The following WWOX variants were observed in gnomAD, a reference collection of about 807,000 sequenced individuals.
WWOX encodes the protein WW domain containing oxidoreductase, also known as WW domain-containing oxidoreductase.
Under a neutral mutation model 46.2 loss-of-function variants are expected in WWOX, and 69 were observed. That is an observed-to-expected ratio of 1.49 (90% CI 1.23 to 1.82). WWOX has a LOEUF of 1.82. Among genes scored for constraint, WWOX ranks in the 40% most tolerant of loss-of-function variants. The pLI is 0.00. For synonymous variants in WWOX, 359 were observed against 202.6 expected, an observed-to-expected ratio of 1.77 and a Z score of -6.56; for missense variants, 919 against 542.6, an observed-to-expected ratio of 1.69 and a Z score of -6.89.
intron 8 of WWOX, among the ~76,000 whole-genome samples, chr16:78,712,597 A>T (rs1039228604): frequency 3.3e-5 from 5 of 152,122 alleles, no homozygotes; most frequent in Non-Finnish European, 5.9e-5. Flanking sequence ...ATTTAGGGGA[A>T]CCTGCTCTCA....
intron 6 of WWOX, among the ~76,000 whole-genome samples, chr16:78,406,310 ATAT>A (rs1567553302): frequency 0.031 from 1,020 of 33,420 alleles, 14 homozygotes; most frequent in African/African-American, 0.046. Context: ...ATAAATATAT[ATAT>A]ATATATATAT....
At chr16:79,159,362 C>T (rs2050441401) in intron 8 of WWOX, among the ~76,000 whole-genome samples, 2 of 152,152 alleles carry the variant, frequency 1.3e-5, no homozygotes, top group African/African-American at 4.8e-5. Context: ...AATGTTCCTG[C>T]AAGTACTGGC....
intron 8 of WWOX, among the ~76,000 whole-genome samples, chr16:78,548,696 TTTAA>T (rs2044106835): frequency 6.6e-6 from 1 of 152,240 alleles, no homozygotes; most frequent in Admixed American, 6.5e-5. Context: ...TTCCAATTTA[TTTAA>T]TTAATTTTGG....
chr16:78,912,149 C>G (rs943208414), intron 8 of WWOX, among the ~76,000 whole-genome samples: 1 of 151,916 alleles, frequency 6.6e-6, no homozygotes, highest in Admixed American at 6.6e-5. Flanking sequence ...GGAGATGATG[C>G]CATTACAGGT....
At chr16:78,488,907 T>G (rs1334920585) in intron 8 of WWOX, among the ~76,000 whole-genome samples, 1 of 150,750 alleles carries the variant, frequency 6.6e-6, no homozygotes, top group Non-Finnish European at 1.5e-5. Flanking sequence ...TCACTATTAT[T>G]TTGTTCTTTC....
intron 8 of WWOX, among the ~76,000 whole-genome samples, chr16:78,967,834 G>C (rs975969670): frequency 2.0e-5 from 3 of 152,124 alleles, no homozygotes; most frequent in African/African-American, 7.2e-5. Flanking sequence ...GAGAGGATGG[G>C]AGTGATGCCA....
intron 5 of WWOX, among the ~76,000 whole-genome samples, chr16:78,313,994 C>G (rs375486575): frequency 6.6e-6 from 1 of 152,150 alleles, no homozygotes; most frequent in African/African-American, 2.4e-5. Context: ...CTGGCTGTTC[C>G]GCTTTCTAAC....
chr16:78,119,625 ATT>A (rs780629307), intron 4 of WWOX, among the ~76,000 whole-genome samples: 41 of 144,162 alleles, frequency 2.8e-4, no homozygotes, highest in African/African-American at 9.9e-4. Context: ...CATCCATTAA[ATT>A]TTTTTTTTTT....
At chr16:78,589,542 G>T (rs908618498) in intron 8 of WWOX, among the ~76,000 whole-genome samples, 2 of 152,146 alleles carry the variant, frequency 1.3e-5, no homozygotes, top group African/African-American at 4.8e-5. Context: ...GGCAGAACCT[G>T]CAACTCTTCA....
At chr16:78,944,926 C>A (rs2045920787) in intron 8 of WWOX, among the ~76,000 whole-genome samples, 1 of 152,150 alleles carries the variant, frequency 6.6e-6, no homozygotes, top group Non-Finnish European at 1.5e-5. Context: ...CACCTGTAAT[C>A]CCAGCACTTT....
At chr16:78,826,388 G>A (rs191239000) in intron 8 of WWOX, among the ~76,000 whole-genome samples, 233 of 152,260 alleles carry the variant, frequency 1.5e-3, no homozygotes, top group African/African-American at 5.5e-3. Flanking sequence ...CAGTTCTGGA[G>A]GCCAGACATT....
intron 8 of WWOX, among the ~76,000 whole-genome samples, chr16:78,860,611 A>G (rs1401116460): frequency 6.6e-6 from 1 of 152,242 alleles, no homozygotes; most frequent in Non-Finnish European, 1.5e-5. Context: ...ATCGTGGAGA[A>G]GGTAAGGCAA....
chr16:79,000,718 T>G (rs143004291), intron 8 of WWOX, among the ~76,000 whole-genome samples: 4 of 152,144 alleles, frequency 2.6e-5, no homozygotes, highest in African/African-American at 9.7e-5. Flanking sequence ...TAAATTTGTT[T>G]TAAGCCACTA....
chr16:78,670,933 C>T (rs551360345), intron 8 of WWOX, among the ~76,000 whole-genome samples: 13 of 151,954 alleles, frequency 8.6e-5, no homozygotes, highest in African/African-American at 2.2e-4. Context: ...ACAGAGACAC[C>T]GAGAGAGGAA....
chr16:78,691,228 G>C (rs530520808), intron 8 of WWOX: 58 of 701,976 alleles, frequency 8.3e-5, no homozygotes, highest in Non-Finnish European at 1.4e-4. Context: ...TGCTTCTCTT[G>C]TTTGTGATTC....
At chr16:78,725,198 A>ATG (rs61345954) in intron 8 of WWOX, among the ~76,000 whole-genome samples, 10,949 of 152,146 alleles carry the variant, frequency 0.072, 524 homozygotes, top group Non-Finnish European at 0.072. Context: ...GCCTACTGCC[A>ATG]TGTATGATGT....
intron 8 of WWOX, among the ~76,000 whole-genome samples, chr16:78,593,964 CATT>C (rs1435626653): frequency 6.6e-6 from 1 of 152,154 alleles, no homozygotes; most frequent in Non-Finnish European, 1.5e-5. Flanking sequence ...GTCCCACTAT[CATT>C]ATATCCAACT....
chr16:78,255,953 C>T (rs1350932036), intron 5 of WWOX, among the ~76,000 whole-genome samples: 1 of 151,846 alleles, frequency 6.6e-6, no homozygotes, highest in Non-Finnish European at 1.5e-5. Flanking sequence ...GGTTTGAGAC[C>T]AGCCTGGCCA....
chr16:78,517,128 A>G (rs1247088228), intron 8 of WWOX, among the ~76,000 whole-genome samples: 1 of 152,228 alleles, frequency 6.6e-6, no homozygotes, highest in Non-Finnish European at 1.5e-5. Flanking sequence ...AATATGAAGC[A>G]GGTATCTGAG....
Sources: gnomAD v4.1 joint callset for allele counts (sites outside exome capture counted in the v4.1 genomes callset) on GRCh38, gnomAD v4.1.1 for gene constraint, MANE v1.5 for transcripts, NCBI Gene and HGNC (gene_info 2026-07-23, HGNC 2026-07-21) for gene names.